The following BMERB1 variants were observed in gnomAD, a reference collection of about 807,000 sequenced individuals.
The protein encoded by BMERB1 is bMERB domain containing 1.
BMERB1 carries 12 observed loss-of-function variants against 23.6 expected under a neutral mutation model. That is an observed-to-expected ratio of 0.51 (90% CI 0.33 to 0.82). The LOEUF (loss-of-function observed/expected upper bound fraction) is 0.82, where lower values mean the gene tolerates loss of function less well. Among genes scored for constraint, BMERB1 ranks in the 40% least tolerant of loss-of-function variants. The pLI is 0.03. For missense variants in BMERB1, 247 were observed against 255.4 expected (o/e 0.97, Z 0.22); for synonymous variants, 122 against 96.6 (o/e 1.26, Z -1.54).
At chr16:15,502,842 AG>A (rs1279962370) in intron 1 of BMERB1, among the ~76,000 whole-genome samples, 1 of 152,110 alleles carries the variant, frequency 6.6e-6, no homozygotes, top group Non-Finnish European at 1.5e-5. Flanking sequence ...TCTCACCTAG[AG>A]GGGCCAAGAG....
intron 1 of BMERB1, among the ~76,000 whole-genome samples, chr16:15,443,890 C>CA (rs2050962920): frequency 1.3e-5 from 2 of 151,760 alleles, no homozygotes; most frequent in South Asian, 2.1e-4. Context: ...CTAGCCTGAA[C>CA]AACAGAGCGA....
intron 2 of BMERB1, among the ~76,000 whole-genome samples, chr16:15,534,244 C>G (rs1020419916): frequency 1.4e-5 from 2 of 146,792 alleles, no homozygotes; most frequent in African/African-American, 5.1e-5. Context: ...AGGACTAGCC[C>G]CAGCCACAGC....
At chr16:15,442,563 T>C (rs986741768) in intron 1 of BMERB1, among the ~76,000 whole-genome samples, 62 of 152,278 alleles carry the variant, frequency 4.1e-4, no homozygotes, top group Admixed American at 3.9e-3. Flanking sequence ...CCTGTGTTAA[T>C]TGAAGAAAAA....
At chr16:15,472,860 CTTTTT>C (rs34677062) in intron 1 of BMERB1, among the ~76,000 whole-genome samples, 1 of 133,850 alleles carries the variant, frequency 7.5e-6, no homozygotes. Context: ...AGGATTCCAT[CTTTTT>C]TTTTTTTTTT....
chr16:15,586,655 C>T (rs1161290413), intron 5 of BMERB1, 62 bp from the exon 6 acceptor site: 8 of 1,373,706 alleles, frequency 5.8e-6, no homozygotes, highest in African/African-American at 1.4e-5. Flanking sequence ...GGGCTCTGCT[C>T]ACCTCACCTC....
chr16:15,585,291 G>T (rs112967606), intron 5 of BMERB1, among the ~76,000 whole-genome samples: 64 of 152,274 alleles, frequency 4.2e-4, no homozygotes, highest in Admixed American at 7.2e-4. Flanking sequence ...GTGGAAAAAA[G>T]AAATGATTCT....
chr16:15,501,816 C>T (rs1413656265), intron 1 of BMERB1, among the ~76,000 whole-genome samples: 1 of 152,150 alleles, frequency 6.6e-6, no homozygotes, highest in African/African-American at 2.4e-5. Flanking sequence ...TGGGGTTTCA[C>T]CATGTTGGCC....
chr16:15,584,838 A>G (rs2031103052), intron 5 of BMERB1, among the ~76,000 whole-genome samples: 1 of 152,170 alleles, frequency 6.6e-6, no homozygotes, highest in Admixed American at 6.5e-5. Context: ...TGGTATCGAA[A>G]TACATAAGTC....
At chr16:15,489,654 C>G (rs996571144) in intron 1 of BMERB1, among the ~76,000 whole-genome samples, 1 of 152,112 alleles carries the variant, frequency 6.6e-6, no homozygotes, top group African/African-American at 2.4e-5. Context: ...TCTAGCTGGG[C>G]TCAAAATAGC....
intron 1 of BMERB1, among the ~76,000 whole-genome samples, chr16:15,492,377 C>T (rs1486651796): frequency 6.6e-6 from 1 of 152,200 alleles, no homozygotes; most frequent in Admixed American, 6.6e-5. Flanking sequence ...AGGTGATCCT[C>T]TTCATCTTCC....
intron 1 of BMERB1, among the ~76,000 whole-genome samples, chr16:15,472,828 A>G (rs540039672): frequency 1.4e-5 from 2 of 145,742 alleles, no homozygotes; most frequent in African/African-American, 2.5e-5. Context: ...CTACTTTCCT[A>G]CAGGTTACTT....
At chr16:15,496,850 T>G (rs2051478275) in intron 1 of BMERB1, among the ~76,000 whole-genome samples, 1 of 152,098 alleles carries the variant, frequency 6.6e-6, no homozygotes, top group Non-Finnish European at 1.5e-5. Flanking sequence ...CAAGGGAAAT[T>G]TTTTAAAGTG....
At chr16:15,530,112 G>C (rs2051952430) in intron 2 of BMERB1, among the ~76,000 whole-genome samples, 1 of 152,166 alleles carries the variant, frequency 6.6e-6, no homozygotes. Context: ...GCATAGTCCA[G>C]TCCCTCTCGA....
In BMERB1 at chr16:15,587,522, G is replaced by T. The variant is rs1346315192; in HGVS notation, c.*693G>T. 4.4e-6 allele frequency: 2 copies of T among 451,108 alleles called. No homozygotes were observed. The highest frequency in any genetic ancestry group is 3.1e-5 in the South Asian group (2 of 64,142). The allele number at this position is 451,108 out of a possible 1,614,324, so 27.9% of individuals were successfully genotyped here. ...CTGCCTCAGGTGTGTGCCTGGAGGGGGCCTGGACTGGCATGGATCCAGTGT... is the reference window on the plus strand; with the variant it reads ...CTGCCTCAGGTGTGTGCCTGGAGGGTGCCTGGACTGGCATGGATCCAGTGT... On this transcript the variant is annotated 3_prime_UTR_variant, in exon 6 of 6. Coordinates refer to ENST00000300006, the MANE Select transcript of BMERB1 (RefSeq NM_033201.3).
At chr16:15,551,178 G>C (rs1223613677) in intron 2 of BMERB1, among the ~76,000 whole-genome samples, 1 of 152,168 alleles carries the variant, frequency 6.6e-6, no homozygotes, top group African/African-American at 2.4e-5. Flanking sequence ...GATTGCCCTC[G>C]TGGTGTCTAT....
rs2030621694 is a variant in BMERB1 at position 15,567,981 on chromosome 16, A to G, written c.231-2A>G. Reference sequence around the variant, plus strand: ...GCTGTTGATGGTGTCCTGTTTCCCCAGGATGGATGACATCCAGCTCTGCAA... The same window carrying G: ...GCTGTTGATGGTGTCCTGTTTCCCCGGGATGGATGACATCCAGCTCTGCAA... On this transcript the variant is annotated splice_acceptor_variant, in intron 2 of 5. Coordinates refer to ENST00000300006, the MANE Select transcript of BMERB1 (RefSeq NM_033201.3). LOFTEE classifies it high-confidence loss of function. 6.2e-7 allele frequency: 1 copy of G among 1,612,198 alleles called. No individual in the cohort carries two copies. Among genetic ancestry groups the G allele is most frequent in the Non-Finnish European group, 8.5e-7 (1 of 1,178,568 alleles).
intron 1 of BMERB1, among the ~76,000 whole-genome samples, chr16:15,477,219 A>T (rs766815395): frequency 6.6e-6 from 1 of 152,156 alleles, no homozygotes; most frequent in Non-Finnish European, 1.5e-5. Context: ...GCACCTCTTC[A>T]TAGGGCGGCA....
At chr16:15,531,921 A>C (rs917549811) in intron 2 of BMERB1, among the ~76,000 whole-genome samples, 1 of 152,220 alleles carries the variant, frequency 6.6e-6, no homozygotes, top group Admixed American at 6.5e-5. Flanking sequence ...CAGGATGCCC[A>C]AAGAGAAATG....
chr16:15,579,661 C>CT (rs965858591), intron 3 of BMERB1, among the ~76,000 whole-genome samples: 3 of 149,210 alleles, frequency 2.0e-5, no homozygotes, highest in East Asian at 1.9e-4. Flanking sequence ...AGCCCTCTCT[C>CT]TTTTTTTTAT....
Sources: gnomAD v4.1 joint callset for allele counts (sites outside exome capture counted in the v4.1 genomes callset) on GRCh38, gnomAD v4.1.1 for gene constraint, MANE v1.5 for transcripts, NCBI Gene and HGNC (gene_info 2026-07-23, HGNC 2026-07-21) for gene names.